Variants in CSNK2A2 observed in about 807,000 individuals in gnomAD.
CSNK2A2 encodes casein kinase 2 alpha 2, also known as casein kinase II subunit alpha'.
Under a neutral mutation model 54.0 loss-of-function variants are expected in CSNK2A2, and 8 were observed. The ratio of observed to expected loss-of-function variants is 0.15; its 90% CI spans 0.09 to 0.27. The LOEUF is 0.27. Ranked by LOEUF, CSNK2A2 falls within the 10% of genes least tolerant of loss-of-function variation. CSNK2A2 has a pLI of 1.00. For synonymous variants in CSNK2A2, 141 were observed against 153.9 expected (o/e 0.92, Z 0.62); for missense variants, 242 against 439.4 (o/e 0.55, Z 4.02).
At chr16:58,191,511 G>A (rs1016903500) in intron 2 of CSNK2A2, among the ~76,000 whole-genome samples, 1 of 151,946 alleles carries the variant, frequency 6.6e-6, no homozygotes, top group Non-Finnish European at 1.5e-5. Context: ...ACAGGCACCC[G>A]CCACCATGGC....
intron 4 of CSNK2A2, among the ~76,000 whole-genome samples, chr16:58,174,915 G>C (rs1961836975): frequency 6.6e-6 from 1 of 152,190 alleles, no homozygotes. Context: ...TGAGTTCTGA[G>C]TGGATGGCAG....
chr16:58,174,539 T>C lies in CSNK2A2; in HGVS notation c.370-29A>G, dbSNP rs762349725. ...AAACAGATTCCAGAAAACAGAAAGT[T>C]AATTTAGTCTCACTGCATCTTGTCA... On this transcript the variant is annotated intron_variant, in intron 4 of 11. Coordinates refer to ENST00000262506, the MANE Select transcript of CSNK2A2 (RefSeq NM_001896.4). 3.8e-6 allele frequency: 6 copies of C among 1,586,220 alleles called. No individual in the cohort carries two copies. In the Admixed American group the frequency reaches 1.0e-4, roughly 27 times the overall value.
chr16:58,196,696 G>A, intron 2 of CSNK2A2, 37 bp downstream of exon 2: 1 of 1,360,640 alleles, frequency 7.3e-7, no homozygotes. Context: ...TGCCCTGTGG[G>A]GAGGAAAATG....
chr16:58,172,160 T>C (rs951179266), intron 5 of CSNK2A2, among the ~76,000 whole-genome samples: 3 of 150,414 alleles, frequency 2.0e-5, no homozygotes, highest in African/African-American at 2.4e-5. Context: ...TTTAAATAGC[T>C]ACCTATGGGC....
intron 10 of CSNK2A2, among the ~76,000 whole-genome samples, chr16:58,165,081 G>C (rs1961529006): frequency 6.6e-6 from 1 of 152,132 alleles, no homozygotes; most frequent in Admixed American, 6.5e-5. Context: ...ACTTCTAAGT[G>C]AGCAGTTCAG....
intron 11 of CSNK2A2, chr16:58,162,913 T>TCAA (rs1961426667): frequency 1.3e-5 from 2 of 152,200 alleles, no homozygotes; most frequent in Non-Finnish European, 2.9e-5. Context: ...CAGATGACCC[T>TCAA]GCCCACACAA....
intron 2 of CSNK2A2, among the ~76,000 whole-genome samples, chr16:58,189,132 T>C (rs1454454925): frequency 6.6e-6 from 1 of 151,964 alleles, no homozygotes; most frequent in Admixed American, 6.6e-5. Flanking sequence ...AATTTTTTTG[T>C]ATTTTTAGTA....
chr16:58,163,817 C>T, intron 11 of CSNK2A2: 1 of 372,968 alleles, frequency 2.7e-6, no homozygotes, highest in South Asian at 5.1e-5. Context: ...CCATGCATTC[C>T]AAAGGCAGAG....
intron 4 of CSNK2A2, among the ~76,000 whole-genome samples, chr16:58,182,175 T>C (rs918967020): frequency 1.3e-5 from 2 of 151,670 alleles, no homozygotes; most frequent in Admixed American, 6.6e-5. Flanking sequence ...CTCTAAGAAT[T>C]AGAATTCCCA....
intron 4 of CSNK2A2, among the ~76,000 whole-genome samples, chr16:58,179,507 A>C (rs1038489563): frequency 3.9e-5 from 6 of 152,132 alleles, no homozygotes; most frequent in Admixed American, 6.5e-5. Flanking sequence ...TCTCAAAAAA[A>C]AAAAAGAAAG....
At chr16:58,176,008 CAAG>C (rs1465497051) in intron 4 of CSNK2A2, among the ~76,000 whole-genome samples, 2 of 152,158 alleles carry the variant, frequency 1.3e-5, no homozygotes, top group Admixed American at 6.5e-5. Flanking sequence ...AGCTCTGCTG[CAAG>C]AAGGCTTCTT....
chr16:58,193,258 A>C (rs2056420588), intron 2 of CSNK2A2, among the ~76,000 whole-genome samples: 1 of 152,198 alleles, frequency 6.6e-6, no homozygotes, highest in African/African-American at 2.4e-5. Context: ...TAATATAAAG[A>C]TCACCAGCTC....
At chr16:58,182,396 A>AC (rs1408931273) in intron 4 of CSNK2A2, among the ~76,000 whole-genome samples, 5 of 146,356 alleles carry the variant, frequency 3.4e-5, no homozygotes, top group Admixed American at 1.4e-4. Context: ...AAAAAAAAAA[A>AC]AAAAAAAAAC....
intron 11 of CSNK2A2, 32 bp downstream of exon 11, chr16:58,164,022 G>C (rs535871311): frequency 6.6e-7 from 1 of 1,522,524 alleles, no homozygotes; most frequent in African/African-American, 1.4e-5. Flanking sequence ...TTGGTTGGTT[G>C]GTTTTATTGG....
At chr16:58,163,088 A>G (rs906559589) in intron 11 of CSNK2A2, 1 of 152,048 alleles carries the variant, frequency 6.6e-6, no homozygotes, top group African/African-American at 2.4e-5. Context: ...CTTTCCTGAA[A>G]AAATTCTAAT....
chr16:58,161,829 C>G (rs1398848437), intron 11 of CSNK2A2: 3 of 152,226 alleles, frequency 2.0e-5, no homozygotes, highest in Non-Finnish European at 4.4e-5. Context: ...AGTCTAGGTG[C>G]TGGAAAAGCA....
At chr16:58,167,651 A>G in intron 7 of CSNK2A2, 34 bp downstream of exon 7, 2 of 1,518,774 alleles carry the variant, frequency 1.3e-6, no homozygotes, top group Non-Finnish European at 1.8e-6. Context: ...AAGCAAGTAT[A>G]AATAACCCAG....
intron 2 of CSNK2A2, among the ~76,000 whole-genome samples, chr16:58,187,613 C>A (rs1962223004): frequency 6.6e-6 from 1 of 152,296 alleles, no homozygotes; most frequent in Admixed American, 6.5e-5. Flanking sequence ...AGAATAGAAA[C>A]AGTTCTGAAA....
At chr16:58,162,209 T>C (rs1311420258) in intron 11 of CSNK2A2, 1 of 152,220 alleles carries the variant, frequency 6.6e-6, no homozygotes, top group Non-Finnish European at 1.5e-5. Context: ...TATAAGGGCA[T>C]ATTAGAAGGC....
Sources: allele counts gnomAD v4.1 joint callset (sites outside exome capture counted in the v4.1 genomes callset), GRCh38; gene constraint gnomAD v4.1.1; transcripts MANE v1.5; gene names NCBI Gene and HGNC (gene_info 2026-07-23, HGNC 2026-07-21).